Variants in EPG5 observed in about 807,000 individuals in gnomAD.
EPG5 encodes ectopic P-granules 5 autophagy tethering factor.
In EPG5, 159 loss-of-function variants were observed where a neutral mutation model predicts 302.7. The observed-to-expected ratio is 0.53, with a 90% CI of 0.46 to 0.60. The LOEUF (loss-of-function observed/expected upper bound fraction) is 0.60, where lower values mean the gene tolerates loss of function less well. EPG5 is among the 20% of genes least tolerant of loss of function. The pLI is 0.00. For synonymous variants in EPG5, 1,158 were observed against 1,136.8 expected, an observed-to-expected ratio of 1.02 and a Z score of -0.37; for missense variants, 2,896 against 3,092.4, an observed-to-expected ratio of 0.94 and a Z score of 1.51.
the EPG5 span, chr18:45,825,464 G>C: frequency 7.3e-6 from 4 of 546,946 alleles, no homozygotes; most frequent in South Asian, 5.3e-5. Flanking sequence ...CCTCTTTCCT[G>C]TTTCCTGTCC....
Position 45,915,495 on chromosome 18 carries a change from T to C in EPG5, c.3693+16A>G. ...TTCACAAAGATAACAAATGATCCTC[T>C]CAGTGAGTTTCCTACCTGAGTGGGC... On this transcript the variant is annotated intron_variant, in intron 20 of 43. Coordinates refer to ENST00000282041, the MANE Select transcript of EPG5 (RefSeq NM_020964.3). 6.5e-7 allele frequency: 1 copy of C among 1,549,152 alleles called. No homozygotes were observed. The highest frequency in any genetic ancestry group is 1.7e-5 in the Admixed American group (1 of 59,414).
chr18:45,962,203 A>G (rs1478736462), intron 1 of EPG5, among the ~76,000 whole-genome samples: 1 of 152,208 alleles, frequency 6.6e-6, no homozygotes, highest in African/African-American at 2.4e-5. Flanking sequence ...GCATCCCCCA[A>G]CTTCAAACCA....
At chr18:45,812,430 A>G in the EPG5 span, among the ~76,000 whole-genome samples, 5 of 152,190 alleles carry the variant, frequency 3.3e-5, no homozygotes. Context: ...TAAAGTTCAT[A>G]TGGAACCAAA....
In EPG5 at chr18:45,850,214, T is replaced by C. The variant is rs1451004930; in HGVS notation, c.*2253A>G. The stretch of plus-strand genomic sequence containing the variant: ...TGCTCAGTCCACAGGGCCTTGGTCT[T>C]GCTTGATTCCCGTCTTGATGTGCGG... On this transcript the variant is annotated 3_prime_UTR_variant, in exon 44 of 44. Coordinates refer to ENST00000282041, the MANE Select transcript of EPG5 (RefSeq NM_020964.3). 1 of 152,328 alleles carries C rather than the reference T, an allele frequency of 6.6e-6. No homozygotes were observed. The highest frequency in any genetic ancestry group is 1.5e-5 in the Non-Finnish European group (1 of 68,116). 9.4% of individuals were successfully genotyped at this position (152,328 alleles called of 1,614,324 possible). A position where few individuals can be genotyped will look rare whatever the true frequency, so the allele number is the denominator to read the frequency against.
the EPG5 span, chr18:45,840,271 C>A: frequency 6.2e-7 from 1 of 1,605,698 alleles, no homozygotes; most frequent in Non-Finnish European, 8.5e-7. Flanking sequence ...CCACCCTACC[C>A]TACCCCACCC....
chr18:45,860,162 C>T lies in EPG5; in HGVS notation c.6951G>A (p.Ala2317=), dbSNP rs369725381. The T allele has an allele frequency of 8.7e-5, 140 of 1,614,162 alleles. 1 individual carries two copies. The highest frequency in any genetic ancestry group is 4.3e-4 in the South Asian group (39 of 91,080). ...TAGTCTCAGCCATGTGGCGGACGGA[C>T]GCCAGGCTCTGGCAGGCTGCTGTTA... ...PLLTAACQSL[A]SVRHMAETTE... Residue 2317 remains alanine (A), a synonymous_variant, in exon 40 of 44, where the codon GCG becomes GCA. Transcript: ENST00000282041.
chr18:45,838,817 G>C, the EPG5 span: 5 of 1,560,094 alleles, frequency 3.2e-6, no homozygotes, highest in Non-Finnish European at 4.3e-6. Flanking sequence ...GCCCTCGCCT[G>C]GTCCGGCCCG....
At chr18:45,916,992 C>T (rs189663297) in intron 17 of EPG5, among the ~76,000 whole-genome samples, 132 of 152,312 alleles carry the variant, frequency 8.7e-4, no homozygotes, top group Admixed American at 2.4e-3. Flanking sequence ...TTCCCAGGAC[C>T]TAACCCATTT....
At chr18:45,816,250 A>T in the EPG5 span, among the ~76,000 whole-genome samples, 1 of 152,232 alleles carries the variant, frequency 6.6e-6, no homozygotes, top group Non-Finnish European at 1.5e-5. Context: ...CATGACCAAG[A>T]ACCCAAAAGT....
chr18:45,915,954 A>G, intron 19 of EPG5, 55 bp downstream of exon 19: 1 of 1,468,182 alleles, frequency 6.8e-7, no homozygotes, highest in Non-Finnish European at 9.2e-7. Context: ...TCTTTTTAGA[A>G]AGCTACTTTA....
chr18:45,964,235 T>A (rs901246041), intron 1 of EPG5, among the ~76,000 whole-genome samples: 1 of 152,232 alleles, frequency 6.6e-6, no homozygotes, highest in African/African-American at 2.4e-5. Flanking sequence ...CTTAACAGAC[T>A]TTTTAAAGCA....
rs1181031199 is a variant in EPG5 at position 45,913,813 on chromosome 18, T to C, written c.3709A>G (p.Thr1237Ala). The change falls in exon 21 of 44, where the codon ACA (threonine) becomes GCA (alanine). Residue 1237 changes from threonine to alanine, a missense_variant. Thr to Ala is a moderately conservative substitution (Grantham distance 58, BLOSUM62 0). Transcript: ENST00000282041. ...ATPTQVWFAW[T>A]VLNMESIFEE... ...AAGATGGATTCCATGTTGAGCACTG[T>C]CCAGGCAAACCAGACCTATAATGAC... The C allele has an allele frequency of 3.1e-6, 5 of 1,613,898 alleles. No homozygotes were observed. Among genetic ancestry groups the C allele is most frequent in the Non-Finnish European group, 4.2e-6 (5 of 1,179,982 alleles).
Position 45,951,179 on chromosome 18 carries a change from C to A in EPG5, c.1312G>T (p.Val438Phe). ...DLCQLKECIS[V>F]LFMFTRRVNE... Reference sequence around the variant, plus strand: ...ACTCTCCTGGTGAACATGAATAAGACACTAATGCATTCCTTTAGTTGACAC... The same window carrying A: ...ACTCTCCTGGTGAACATGAATAAGAAACTAATGCATTCCTTTAGTTGACAC... Residue 438 changes from valine to phenylalanine, a missense_variant, in exon 4 of 44, where the codon GTC (valine) becomes TTC (phenylalanine). Transcript: ENST00000282041. 1 of 1,594,454 alleles carries A rather than the reference C, an allele frequency of 6.3e-7. No homozygotes were observed.
chr18:45,879,377 T>C (rs1031956879), intron 32 of EPG5, among the ~76,000 whole-genome samples, 163 bp from the exon 33 acceptor site: 1 of 152,176 alleles, frequency 6.6e-6, no homozygotes, highest in Non-Finnish European at 1.5e-5. Flanking sequence ...TTGTTTTTGT[T>C]TTTGTTTTGA....
chr18:45,899,723 A>C (rs769690996), intron 26 of EPG5, among the ~76,000 whole-genome samples, 157 bp from the exon 27 acceptor site: 1 of 152,178 alleles, frequency 6.6e-6, no homozygotes, highest in Non-Finnish European at 1.5e-5. Flanking sequence ...AGACTTACCC[A>C]AATCATCCCC....
At chr18:45,955,410 G>A (rs2051005650) in intron 1 of EPG5, 72 bp from the exon 2 acceptor site, 1 of 1,105,882 alleles carries the variant, frequency 9.0e-7, no homozygotes, top group Non-Finnish European at 1.3e-6. Flanking sequence ...GAATTTTAAA[G>A]TTGCACATAA....
At chr18:45,900,546 A>G (rs1469433851) in intron 26 of EPG5, among the ~76,000 whole-genome samples, 1 of 152,246 alleles carries the variant, frequency 6.6e-6, no homozygotes, top group Non-Finnish European at 1.5e-5. Flanking sequence ...ATGGTTGATC[A>G]TATTGTATCC....
chr18:45,860,541 A>C (rs2048613379), intron 39 of EPG5, among the ~76,000 whole-genome samples, 195 bp from the exon 40 acceptor site: 1 of 152,230 alleles, frequency 6.6e-6, no homozygotes, highest in African/African-American at 2.4e-5. Context: ...CACGGTTACT[A>C]AGAGTAAAAG....
In EPG5 at chr18:45,868,665, G is replaced by A. The variant is rs377490616; in HGVS notation, c.6226-917C>T. ...ATTACAGGCGTGAGCCACCGCGCCC[G>A]GCCTATATTCCCTTTTTAATGTAAT... On this transcript the variant is annotated intron_variant, in intron 36 of 43. Coordinates refer to ENST00000282041, the MANE Select transcript of EPG5 (RefSeq NM_020964.3). 4.2e-4 allele frequency among the ~76,000 whole-genome samples: 62 copies of A among 149,034 alleles called. 1 individual carries two copies. The highest frequency in any genetic ancestry group is 4.0e-3 in the East Asian group (19 of 4,788).
Sources: gnomAD v4.1 joint callset for allele counts (sites outside exome capture counted in the v4.1 genomes callset) on GRCh38, gnomAD v4.1.1 for gene constraint, MANE v1.5 for transcripts, NCBI Gene and HGNC (gene_info 2026-07-23, HGNC 2026-07-21) for gene names.